KAZN: variants seen among roughly 807,000 people sequenced by gnomAD.
KAZN encodes kazrin.
A neutral mutation model predicts 87.4 loss-of-function variants in KAZN; 40 were observed. That is an observed-to-expected ratio of 0.46 (90% confidence interval 0.36 to 0.60). The LOEUF (loss-of-function observed/expected upper bound fraction) is 0.60. Ranked by LOEUF, KAZN falls within the 20% of genes least tolerant of loss-of-function variation. KAZN has a pLI of 0.00. For missense variants in KAZN, 898 were observed against 1,073.9 expected, an observed-to-expected ratio of 0.84 and a Z score of 2.29; for synonymous variants, 466 against 458.3, an observed-to-expected ratio of 1.02 and a Z score of -0.22.
intron 2 of KAZN, among the ~76,000 whole-genome samples, chr1:14,405,663 G>A (rs1303497459): frequency 6.7e-6 from 1 of 149,752 alleles, no homozygotes; most frequent in Admixed American, 6.7e-5. Flanking sequence ...CAGAGAGAGA[G>A]ATTTATTATA....
At chr1:14,723,930 C>T (rs1476341574) in intron 1 of KAZN, among the ~76,000 whole-genome samples, 1 of 152,158 alleles carries the variant, frequency 6.6e-6, no homozygotes, top group Non-Finnish European at 1.5e-5. Context: ...AGTTTCTGTC[C>T]ACACATGAGC....
At chr1:14,864,076 G>A (rs1651173898) in intron 1 of KAZN, among the ~76,000 whole-genome samples, 1 of 152,180 alleles carries the variant, frequency 6.6e-6, no homozygotes, top group African/African-American at 2.4e-5. Flanking sequence ...TCGACTCAGT[G>A]AGAGCCCAAT....
At chr1:14,501,068 G>T (rs1670213862) in intron 2 of KAZN, among the ~76,000 whole-genome samples, 1 of 143,952 alleles carries the variant, frequency 6.9e-6, no homozygotes, top group Non-Finnish European at 1.5e-5. Flanking sequence ...AACCTAAAAA[G>T]AGCATCTGCA....
chr1:14,834,589 C>T lies in KAZN; in HGVS notation c.227-126095C>T, dbSNP rs535853349. Reference sequence around the variant, plus strand: ...TGTTAGCCAGGATGGTCTCGATCTCCTGACCTTGTGATCCACCTGCCTCAG... The same window carrying T: ...TGTTAGCCAGGATGGTCTCGATCTCTTGACCTTGTGATCCACCTGCCTCAG... On this transcript the variant is annotated intron_variant, in intron 1 of 14. Coordinates refer to ENST00000376030, the MANE Select transcript of KAZN (RefSeq NM_201628.3). Among the ~76,000 whole-genome samples, 3 of 151,888 alleles carry T rather than the reference C, an allele frequency of 2.0e-5. No homozygotes were observed. In the South Asian group the frequency reaches 6.2e-4, roughly 32 times the overall value.
At chr1:14,549,843 C>T (rs530168506) in intron 2 of KAZN, among the ~76,000 whole-genome samples, 8 of 152,336 alleles carry the variant, frequency 5.3e-5, no homozygotes, top group Non-Finnish European at 8.8e-5. Context: ...ACTTCCTCAG[C>T]AGCCATGGCT....
intron 2 of KAZN, among the ~76,000 whole-genome samples, chr1:14,363,028 T>C (rs1659651632): frequency 6.6e-6 from 1 of 152,116 alleles, no homozygotes; most frequent in Non-Finnish European, 1.5e-5. Context: ...TCTCCTCCTA[T>C]GAAGAAGCAG....
chr1:14,339,053 C>T (rs191668147), intron 2 of KAZN, among the ~76,000 whole-genome samples: 110 of 152,084 alleles, frequency 7.2e-4, no homozygotes, highest in Non-Finnish European at 1.3e-3. Flanking sequence ...TCATGATTTT[C>T]GTGGGGATTC....
At chr1:15,018,178 G>A (rs1670318462) in intron 2 of KAZN, among the ~76,000 whole-genome samples, 1 of 152,054 alleles carries the variant, frequency 6.6e-6, no homozygotes, top group East Asian at 1.9e-4. Flanking sequence ...ATTTTACTAT[G>A]AGATAGTTTA....
In KAZN at chr1:14,086,728, G is replaced by A. The variant is rs190434978; in HGVS notation, c.92-93707G>A. Among the ~76,000 whole-genome samples, 433 of 152,246 alleles carry A rather than the reference G, an allele frequency of 2.8e-3. 2 individuals carry two copies. The highest frequency in any genetic ancestry group is 9.2e-3 in the African/African-American group (381 of 41,558). On this transcript the variant is annotated intron_variant, in intron 1 of 16. Transcript: ENST00000636203. ...CATTTAGGTCTATGATCCATTTGGA[G>A]TTAATTTTTGTACATAGTATGAGGG...
At chr1:14,889,185 C>T (rs561999940) in intron 1 of KAZN, among the ~76,000 whole-genome samples, 3 of 152,234 alleles carry the variant, frequency 2.0e-5, no homozygotes, top group Non-Finnish European at 4.4e-5. Flanking sequence ...ATTTCATTGA[C>T]CAGAAAATGT....
At chr1:14,133,988 A>G (rs1645052473) in intron 1 of KAZN, among the ~76,000 whole-genome samples, 1 of 152,226 alleles carries the variant, frequency 6.6e-6, no homozygotes, top group South Asian at 2.1e-4. Flanking sequence ...TGCTTCTGCC[A>G]CAAAATGAAT....
At chr1:14,888,915 G>GAGGTGTCCA (rs1654409134) in intron 1 of KAZN, among the ~76,000 whole-genome samples, 1 of 152,208 alleles carries the variant, frequency 6.6e-6, no homozygotes, top group Non-Finnish European at 1.5e-5. Flanking sequence ...ACTCTATACA[G>GAGGTGTCCA]AGGTGTCCAA....
At chr1:13,970,311 G>A (rs1475840456) in intron 1 of KAZN, among the ~76,000 whole-genome samples, 1 of 152,220 alleles carries the variant, frequency 6.6e-6, no homozygotes, top group Non-Finnish European at 1.5e-5. Context: ...CATTTATTGA[G>A]GGTGCACCAT....
intron 1 of KAZN, among the ~76,000 whole-genome samples, chr1:14,173,889 T>G (rs1458108675): frequency 2.6e-5 from 4 of 152,116 alleles, no homozygotes; most frequent in African/African-American, 4.8e-5. Context: ...GAAAGAATGT[T>G]CCTACAAAAT....
At chr1:14,399,672 G>A (rs1478014896) in intron 2 of KAZN, among the ~76,000 whole-genome samples, 1 of 151,980 alleles carries the variant, frequency 6.6e-6, no homozygotes. Flanking sequence ...AAGGGGTGGT[G>A]GCCTGTGTGA....
chr1:15,011,099 T>G (rs2102080186), intron 2 of KAZN, among the ~76,000 whole-genome samples: 1 of 152,348 alleles, frequency 6.6e-6, no homozygotes, highest in African/African-American at 2.4e-5. Flanking sequence ...ATGTAGATAT[T>G]AACGTGTTAA....
intron 2 of KAZN, among the ~76,000 whole-genome samples, chr1:14,371,403 T>C (rs1660474020): frequency 2.0e-5 from 3 of 152,132 alleles, no homozygotes; most frequent in Non-Finnish European, 4.4e-5. Flanking sequence ...CTTTTAGGGA[T>C]CAAGGCTAAG....
intron 11 of KAZN, among the ~76,000 whole-genome samples, chr1:15,102,187 T>C (rs1175710261): frequency 6.6e-6 from 1 of 151,998 alleles, no homozygotes; most frequent in African/African-American, 2.4e-5. Flanking sequence ...AGAGAAGATA[T>C]ACCTACTATG....
chr1:14,155,412 C>T (rs1645571321), intron 1 of KAZN, among the ~76,000 whole-genome samples: 1 of 151,902 alleles, frequency 6.6e-6, no homozygotes, highest in Admixed American at 6.6e-5. Flanking sequence ...TTATTTGGAT[C>T]TTCTCTCTTT....
Sources: allele counts gnomAD v4.1 joint callset (sites outside exome capture counted in the v4.1 genomes callset), GRCh38; gene constraint gnomAD v4.1.1; transcripts MANE v1.5; gene names NCBI Gene and HGNC (gene_info 2026-07-23, HGNC 2026-07-21).